Variants in NLGN4X observed in about 807,000 individuals in gnomAD.
The protein encoded by NLGN4X is neuroligin-4, X-linked.
Under a neutral mutation model 40.3 loss-of-function variants are expected in NLGN4X, and 3 were observed. The ratio of observed to expected loss-of-function variants is 0.07; its 90% CI spans 0.03 to 0.19. The LOEUF is 0.19. Among genes scored for constraint, NLGN4X ranks in the 10% least tolerant of loss-of-function variants. NLGN4X has a pLI of 1.00. For synonymous variants in NLGN4X, 270 were observed against 306.8 expected (o/e 0.88, Z 1.25); for missense variants, 382 against 708.3 (o/e 0.54, Z 5.23).
At chrX:5,940,887 CAGA>C (rs1160905559) in intron 3 of NLGN4X, among the ~76,000 whole-genome samples, 1 of 110,512 alleles carries the variant, frequency 9.0e-6, no homozygotes, top group African/African-American at 3.3e-5. Flanking sequence ...GAGGCTGAAG[CAGA>C]AGAATCACTT....
intron 3 of NLGN4X, among the ~76,000 whole-genome samples, chrX:5,953,778 C>T (rs1221220187): frequency 8.9e-6 from 1 of 111,828 alleles, no homozygotes; most frequent in Non-Finnish European, 1.9e-5. Context: ...CAATATGCAT[C>T]GTGTTCATAC....
intron 3 of NLGN4X, among the ~76,000 whole-genome samples, chrX:5,919,673 T>C (rs2032952143): frequency 9.0e-6 from 1 of 111,545 alleles, no homozygotes; most frequent in Admixed American, 9.5e-5. Context: ...TACTGTGAAC[T>C]GCACATGTGA....
chrX:6,203,950 T>G (rs1923833526), intron 1 of NLGN4X, among the ~76,000 whole-genome samples: 1 of 112,535 alleles, frequency 8.9e-6, no homozygotes, highest in Non-Finnish European at 1.9e-5. Context: ...TTTTACCCAC[T>G]TATGGAATGT....
At chrX:6,214,683 C>A in intron 1 of NLGN4X, among the ~76,000 whole-genome samples, 1 of 111,031 alleles carries the variant, frequency 9.0e-6, no homozygotes, top group Non-Finnish European at 1.9e-5. Context: ...TCCCTTGAGC[C>A]CAGGCGTTCG....
In NLGN4X at chrX:5,893,338, C is replaced by T; in HGVS notation, c.1930G>A (p.Ala644Thr). ...PTTKRPAITP[A>T]NNPKHSKDPH... Reference sequence around the variant, plus strand: ...TCCTTAGAGTGTTTGGGATTGTTGGCAGGAGTGATTGCTGGGCGTTTGGTG... The same window carrying T: ...TCCTTAGAGTGTTTGGGATTGTTGGTAGGAGTGATTGCTGGGCGTTTGGTG... The change falls in exon 6 of 6, where the codon GCC (alanine) becomes ACC (threonine). Residue 644 changes from alanine to threonine, a missense_variant. By Grantham distance (58) the Ala-to-Thr change is moderately conservative. Coordinates refer to ENST00000381095, the MANE Select transcript of NLGN4X (RefSeq NM_181332.3). 1 of 1,210,784 alleles carries T rather than the reference C, an allele frequency of 8.3e-7. No individual in the cohort carries two copies. Among genetic ancestry groups the T allele is most frequent in the Non-Finnish European group, 1.1e-6 (1 of 895,246 alleles).
intron 1 of NLGN4X, among the ~76,000 whole-genome samples, chrX:6,175,689 C>T (rs2040717752): frequency 1.0e-5 from 1 of 95,400 alleles, no homozygotes; most frequent in Non-Finnish European, 2.1e-5. Context: ...TAAAACCACA[C>T]CTGAGCAGAC....
At chrX:6,197,095 A>G (rs1923158033) in intron 1 of NLGN4X, among the ~76,000 whole-genome samples, 2 of 112,077 alleles carry the variant, frequency 1.8e-5, no homozygotes, top group Non-Finnish European at 3.8e-5. Flanking sequence ...AGAGCTAGTT[A>G]TAAGCCATTG....
intron 3 of NLGN4X, among the ~76,000 whole-genome samples, chrX:6,015,211 C>A (rs971290607): frequency 1.8e-5 from 2 of 111,702 alleles, no homozygotes; most frequent in Non-Finnish European, 3.8e-5. Context: ...GTTTTGTTTG[C>A]TACTCCATTT....
chrX:5,960,259 C>CAAA (rs35197486), intron 3 of NLGN4X, among the ~76,000 whole-genome samples: 16 of 91,875 alleles, frequency 1.7e-4, no homozygotes, highest in Admixed American at 7.4e-4. Context: ...GCCAATTTTG[C>CAAA]AAAAAAAAAA....
chrX:6,006,430 T>C (rs1158902194), intron 3 of NLGN4X, among the ~76,000 whole-genome samples: 2 of 110,775 alleles, frequency 1.8e-5, no homozygotes, highest in African/African-American at 3.3e-5. Context: ...CATCCACTAA[T>C]AGTCCCAAAT....
intron 2 of NLGN4X, among the ~76,000 whole-genome samples, chrX:6,136,900 G>A (rs1057299195): frequency 1.8e-5 from 2 of 112,365 alleles, no homozygotes; most frequent in African/African-American, 6.5e-5. Context: ...CCTGGACAGA[G>A]CAGTGGGTAC....
intron 3 of NLGN4X, among the ~76,000 whole-genome samples, chrX:6,023,266 A>G (rs995549886): frequency 5.4e-5 from 6 of 111,898 alleles, no homozygotes; most frequent in Non-Finnish European, 1.1e-4. Flanking sequence ...ATCACCGTGA[A>G]CCAAAGCAAA....
At chrX:6,023,261 C>T (rs898472025) in intron 3 of NLGN4X, among the ~76,000 whole-genome samples, 1 of 111,665 alleles carries the variant, frequency 9.0e-6, no homozygotes, top group African/African-American at 3.3e-5. Flanking sequence ...CCACCATCAC[C>T]GTGAACCAAA....
At chrX:5,918,716 A>T (rs1423312849) in intron 3 of NLGN4X, among the ~76,000 whole-genome samples, 1 of 112,103 alleles carries the variant, frequency 8.9e-6, no homozygotes. Flanking sequence ...TTCTTTTTGA[A>T]GATAGCTACA....
intron 3 of NLGN4X, among the ~76,000 whole-genome samples, chrX:5,995,398 C>T (rs1040013293): frequency 1.8e-4 from 20 of 112,438 alleles, no homozygotes; most frequent in African/African-American, 6.2e-4. Context: ...TTATTCCTGA[C>T]CTATACAGCA....
chrX:5,919,410 T>C (rs913739047), intron 3 of NLGN4X, among the ~76,000 whole-genome samples: 3 of 111,773 alleles, frequency 2.7e-5, no homozygotes, highest in Non-Finnish European at 5.6e-5. Flanking sequence ...GTCAGTCAAG[T>C]CCGTGTTACT....
At chrX:6,120,626 T>C (rs1426338704) in intron 2 of NLGN4X, among the ~76,000 whole-genome samples, 1 of 111,974 alleles carries the variant, frequency 8.9e-6, no homozygotes, top group Non-Finnish European at 1.9e-5. Flanking sequence ...TGAATGTCAA[T>C]GCTTACAAGA....
intron 2 of NLGN4X, among the ~76,000 whole-genome samples, chrX:6,116,566 G>A (rs866621717): frequency 1.1e-5 from 1 of 94,638 alleles, no homozygotes; most frequent in East Asian, 3.3e-4. Flanking sequence ...TGATTCTTCG[G>A]CCTCAGCCCC....
At chrX:6,164,732 G>A (rs780322335) in intron 1 of NLGN4X, among the ~76,000 whole-genome samples, 2 of 111,636 alleles carry the variant, frequency 1.8e-5, no homozygotes, top group African/African-American at 3.3e-5. Flanking sequence ...CACCACCTGT[G>A]ACCCCAGGAC....
Sources: gnomAD v4.1 joint callset for allele counts (sites outside exome capture counted in the v4.1 genomes callset) on GRCh38, gnomAD v4.1.1 for gene constraint, MANE v1.5 for transcripts, NCBI Gene and HGNC (gene_info 2026-07-23, HGNC 2026-07-21) for gene names.